ARHGAP32: variants seen among roughly 807,000 people sequenced by gnomAD.
ARHGAP32 encodes the protein Rho GTPase activating protein 32.
Under a neutral mutation model 186.5 loss-of-function variants are expected in ARHGAP32, and 51 were observed. That is an observed-to-expected ratio of 0.27 (90% CI 0.22 to 0.35). The LOEUF (loss-of-function observed/expected upper bound fraction) is 0.35, where lower values mean the gene tolerates loss of function less well. Among genes scored for constraint, ARHGAP32 ranks in the 10% least tolerant of loss-of-function variants. ARHGAP32 has a pLI of 1.00. For missense variants in ARHGAP32, 2,186 were observed against 2,623.5 expected (o/e 0.83, Z 3.64); for synonymous variants, 950 against 964.3 (o/e 0.99, Z 0.27).
intron 5 of ARHGAP32, among the ~76,000 whole-genome samples, chr11:129,100,176 T>C (rs910936098): frequency 1.7e-4 from 26 of 152,112 alleles, no homozygotes; most frequent in African/African-American, 4.6e-4. Flanking sequence ...GCAGAGCACA[T>C]TTAGGAGTGG....
Position 129,040,922 on chromosome 11 carries a change from A to G in ARHGAP32, c.1045+6T>C. The G allele has an allele frequency of 6.3e-7, 1 of 1,595,756 alleles. No individual in the cohort carries two copies. Among genetic ancestry groups the G allele is most frequent in the East Asian group, 2.2e-5 (1 of 44,536 alleles). On this transcript the variant is annotated splice_donor_region_variant and intron_variant, in intron 11 of 22. Coordinates refer to ENST00000682385, the MANE Select transcript of ARHGAP32 (RefSeq NM_001378024.1). ...ATAACTACACTAGTGAAAAAAGTGT[A>G]CTCACCTGGTTTTGGCACTGAGTTG...
intron 2 of ARHGAP32, among the ~76,000 whole-genome samples, chr11:129,133,120 TG>T (rs1255558907): frequency 6.6e-6 from 1 of 151,912 alleles, no homozygotes; most frequent in African/African-American, 2.4e-5. Context: ...TTAGAGCCGG[TG>T]GAAGAGTAAG....
intron 1 of ARHGAP32, among the ~76,000 whole-genome samples, chr11:129,225,344 C>T (rs10894002): frequency 1.1e-4 from 16 of 151,916 alleles, no homozygotes; most frequent in African/African-American, 3.1e-4. Context: ...GAAGTCCGGA[C>T]AAGACTGACT....
upstream of ARHGAP32, among the ~76,000 whole-genome samples, chr11:129,195,876 T>C (rs1026577752): frequency 3.3e-5 from 5 of 152,080 alleles, no homozygotes; most frequent in Admixed American, 6.6e-5. Context: ...TGGCTACCAG[T>C]GTGTGAGAGA....
At chr11:129,049,009 A>G (rs562753482) in intron 10 of ARHGAP32, among the ~76,000 whole-genome samples, 1 of 152,296 alleles carries the variant, frequency 6.6e-6, no homozygotes, top group Non-Finnish European at 1.5e-5. Flanking sequence ...AAGTGAGAAT[A>G]AAGTCGGAGA....
At chr11:129,031,887 C>T (rs1369552427) in intron 11 of ARHGAP32, among the ~76,000 whole-genome samples, 3 of 152,152 alleles carry the variant, frequency 2.0e-5, no homozygotes, top group African/African-American at 4.8e-5. Context: ...AGCAGCCGGA[C>T]GTTTGAGAGA....
At chr11:129,048,569 G>A (rs993492604) in intron 10 of ARHGAP32, among the ~76,000 whole-genome samples, 1 of 151,604 alleles carries the variant, frequency 6.6e-6, no homozygotes. Context: ...TTTGTGACAG[G>A]TGAATGTAAT....
At chr11:129,015,402 T>C (rs1168659317) in intron 11 of ARHGAP32, among the ~76,000 whole-genome samples, 1 of 152,326 alleles carries the variant, frequency 6.6e-6, no homozygotes, top group Middle Eastern at 3.4e-3. Context: ...TACAGAAATA[T>C]TTAAGAGAAT....
chr11:129,086,998 T>A (rs1418597727), intron 6 of ARHGAP32, among the ~76,000 whole-genome samples: 2 of 152,094 alleles, frequency 1.3e-5, no homozygotes. Flanking sequence ...ATAAAAATGC[T>A]CAACATCATA....
chr11:129,242,579 G>A (rs1281883342), intron 1 of ARHGAP32, among the ~76,000 whole-genome samples: 9 of 151,800 alleles, frequency 5.9e-5, no homozygotes, highest in East Asian at 3.9e-4. Context: ...TTAGCCGGGC[G>A]TGGTGGCGGG....
Position 129,229,804 on chromosome 11 carries a change from T to A in ARHGAP32, c.-5+49342A>T, listed in dbSNP as rs186997774. Among the ~76,000 whole-genome samples the A allele has an allele frequency of 3.3e-5, 5 of 152,194 alleles. No homozygotes were observed. The East Asian group carries it at 7.7e-4, about 24-fold the overall frequency. ...GATATATATATGCATAACATTAATA[T>A]GGCCCAATTCCAAGCAACAATTTTT... On this transcript the variant is annotated intron_variant, in intron 1 of 6. Transcript: ENST00000525234.
intron 5 of ARHGAP32, among the ~76,000 whole-genome samples, chr11:129,121,157 T>G (rs1389517660): frequency 6.6e-6 from 1 of 151,978 alleles, no homozygotes; most frequent in Non-Finnish European, 1.5e-5. Context: ...AACATAGGAT[T>G]GTTTAGAGGT....
At chr11:129,079,398 T>G (rs1343918327) in intron 6 of ARHGAP32, among the ~76,000 whole-genome samples, 1 of 152,182 alleles carries the variant, frequency 6.6e-6, no homozygotes, top group Admixed American at 6.5e-5. Context: ...ACAGCAGATT[T>G]CTCAGCAGAA....
At chr11:129,086,015 A>AC (rs1176628179) in intron 6 of ARHGAP32, among the ~76,000 whole-genome samples, 315 of 128,370 alleles carry the variant, frequency 2.5e-3, no homozygotes, top group African/African-American at 8.7e-3. Context: ...CAAACAAACA[A>AC]ACAAAAAAAA....
chr11:129,271,977 G>T (rs1294232326), intron 1 of ARHGAP32, among the ~76,000 whole-genome samples: 1 of 152,162 alleles, frequency 6.6e-6, no homozygotes, highest in Non-Finnish European at 1.5e-5. Flanking sequence ...TACTGAAATG[G>T]TAAAGACTTG....
rs759743826 is a variant in ARHGAP32 at position 128,974,872 on chromosome 11, C to T, written c.2325G>A (p.Glu775=). 5.0e-6 allele frequency: 8 copies of T among 1,614,190 alleles called. No individual in the cohort carries two copies. The Middle Eastern group carries it at 5.0e-4, about 100-fold the overall frequency. The change falls in exon 21 of 23, where the codon GAG becomes GAA. Residue 775 remains glutamate (E), a synonymous_variant. Transcript: ENST00000682385. The stretch of plus-strand genomic sequence containing the variant: ...GGATATGAAGCAGCCCTCCTTCCTC[C>T]TCACTCTCATTGTCATGAGGCAGAT... ...YDNLPHDNES[E]EEGGLLHIPA...
At chr11:129,104,106 C>CA (rs1043186731) in intron 5 of ARHGAP32, among the ~76,000 whole-genome samples, 1 of 151,456 alleles carries the variant, frequency 6.6e-6, no homozygotes, top group Non-Finnish European at 1.5e-5. Context: ...AAATAAGAGC[C>CA]AAAAAAAGCA....
At chr11:129,045,073 G>C (rs1187924897) in intron 10 of ARHGAP32, among the ~76,000 whole-genome samples, 1 of 152,088 alleles carries the variant, frequency 6.6e-6, no homozygotes, top group Non-Finnish European at 1.5e-5. Flanking sequence ...TCTACAGTAG[G>C]CTCACCTAAT....
chr11:128,981,172 T>A (rs768968749), intron 17 of ARHGAP32, among the ~76,000 whole-genome samples: 3 of 152,292 alleles, frequency 2.0e-5, no homozygotes, highest in South Asian at 4.1e-4. Flanking sequence ...TTAATACACA[T>A]CAATAATGAA....
Sources: allele counts gnomAD v4.1 joint callset (sites outside exome capture counted in the v4.1 genomes callset), GRCh38; gene constraint gnomAD v4.1.1; transcripts MANE v1.5; gene names NCBI Gene and HGNC (gene_info 2026-07-23, HGNC 2026-07-21).